Variants in LHFPL6 observed in about 807,000 individuals in gnomAD.
The protein encoded by LHFPL6 is LHFPL tetraspan subfamily member 6 protein.
A neutral mutation model predicts 20.6 loss-of-function variants in LHFPL6; 9 were observed. The ratio of observed to expected loss-of-function variants is 0.44; its 90% CI spans 0.26 to 0.76. The LOEUF (loss-of-function observed/expected upper bound fraction) is 0.76, where lower values mean the gene tolerates loss of function less well. Ranked by LOEUF, LHFPL6 falls within the 30% of genes least tolerant of loss-of-function variation. The pLI is 0.20. For synonymous variants in LHFPL6, 105 were observed against 98.7 expected (o/e 1.06, Z -0.38); for missense variants, 218 against 253.5 (o/e 0.86, Z 0.95).
intron 2 of LHFPL6, among the ~76,000 whole-genome samples, chr13:39,412,890 C>A (rs1457701578): frequency 6.6e-6 from 1 of 151,148 alleles, no homozygotes; most frequent in Non-Finnish European, 1.5e-5. Context: ...CCATTGCACT[C>A]CAGCCTGGTC....
At chr13:39,409,229 G>A (rs1341117488) in intron 2 of LHFPL6, among the ~76,000 whole-genome samples, 1 of 152,052 alleles carries the variant, frequency 6.6e-6, no homozygotes, top group East Asian at 1.9e-4. Flanking sequence ...TGAGGTGGGC[G>A]GATCACTTGA....
intron 2 of LHFPL6, among the ~76,000 whole-genome samples, chr13:39,534,368 C>A (rs1217972163): frequency 6.6e-6 from 1 of 152,146 alleles, no homozygotes; most frequent in Non-Finnish European, 1.5e-5. Flanking sequence ...CTAGCAATGG[C>A]AGTTTTCAAA....
chr13:39,443,594 G>T (rs1379280266), intron 2 of LHFPL6, among the ~76,000 whole-genome samples: 1 of 152,050 alleles, frequency 6.6e-6, no homozygotes. Context: ...AAGAGCTGTA[G>T]GAGAACCTAA....
chr13:39,563,996 G>A (rs923206594), intron 2 of LHFPL6, among the ~76,000 whole-genome samples: 1 of 152,030 alleles, frequency 6.6e-6, no homozygotes, highest in Non-Finnish European at 1.5e-5. Flanking sequence ...AAGTCTCCCC[G>A]TATCACGTTG....
intron 2 of LHFPL6, among the ~76,000 whole-genome samples, chr13:39,553,959 G>C (rs1182316551): frequency 2.6e-5 from 4 of 152,186 alleles, no homozygotes; most frequent in Non-Finnish European, 5.9e-5. Flanking sequence ...CAACCCATCA[G>C]CTCACAAGCT....
At chr13:39,578,851 A>C (rs9315709) in intron 2 of LHFPL6, among the ~76,000 whole-genome samples, 115,954 of 152,040 alleles carry the variant, frequency 0.76, 44,880 homozygotes, top group Middle Eastern at 0.85. Context: ...CAGCTGGGCA[A>C]TCAGAGGAGA....
chr13:39,465,920 AAGACTGAACTAGAG>A (rs1360295609), intron 2 of LHFPL6, among the ~76,000 whole-genome samples: 2 of 151,980 alleles, frequency 1.3e-5, no homozygotes, highest in Non-Finnish European at 2.9e-5. Context: ...CACCACTCAG[AAGACTGAACTAGAG>A]AGGATGGGTG....
In LHFPL6 at chr13:39,352,972, C is replaced by CACACATATATATATATATAT. The variant is rs1555257725; in HGVS notation, c.485-8919_485-8918insATATATATATATATATGTGT. On this transcript the variant is annotated intron_variant, in intron 3 of 3. Coordinates refer to ENST00000379589, the MANE Select transcript of LHFPL6 (RefSeq NM_005780.3). ...ATATATACATACATACACACACACA[C>CACACATATATATATATATAT]ATATATATATATATATAATTTTTTT... Among the ~76,000 whole-genome samples the CACACATATATATATATATAT allele has an allele frequency of 1.2e-4, 8 of 69,136 alleles. No individual in the cohort carries two copies. The South Asian group carries it at 2.6e-3, about 22-fold the overall frequency. The allele number at this position is 69,136 out of a possible 152,430, so 45.4% of individuals were successfully genotyped here.
intron 2 of LHFPL6, among the ~76,000 whole-genome samples, chr13:39,562,441 T>TATATACATATATACATATATACAC (rs1414753188): frequency 5.0e-5 from 5 of 99,148 alleles, no homozygotes; most frequent in Admixed American, 4.1e-4. Flanking sequence ...CATATATACA[T>TATATACATATATACATATATACAC]ATATACACAT....
At chr13:39,420,274 A>G (rs1871447040) in intron 2 of LHFPL6, among the ~76,000 whole-genome samples, 1 of 152,228 alleles carries the variant, frequency 6.6e-6, no homozygotes, top group African/African-American at 2.4e-5. Context: ...TTGCCCATCA[A>G]AATGTAATCC....
At chr13:39,473,272 A>G (rs1035504416) in intron 2 of LHFPL6, among the ~76,000 whole-genome samples, 5 of 151,020 alleles carry the variant, frequency 3.3e-5, no homozygotes, top group Admixed American at 2.7e-4. Context: ...GGTGTGCTTT[A>G]AGAACCAAAG....
chr13:39,498,324 G>A (rs1343490548), intron 2 of LHFPL6, among the ~76,000 whole-genome samples: 1 of 152,148 alleles, frequency 6.6e-6, no homozygotes, highest in Non-Finnish European at 1.5e-5. Context: ...AAAGTAAAGA[G>A]CATTTACCAA....
At chr13:39,352,291 G>C (rs930055301) in intron 3 of LHFPL6, among the ~76,000 whole-genome samples, 55 of 152,322 alleles carry the variant, frequency 3.6e-4, no homozygotes, top group South Asian at 1.7e-3. Flanking sequence ...AGCTGATTAA[G>C]AGCTTCAGCT....
chr13:39,414,209 A>C (rs1453043708), intron 2 of LHFPL6, among the ~76,000 whole-genome samples: 1 of 152,216 alleles, frequency 6.6e-6, no homozygotes, highest in East Asian at 1.9e-4. Context: ...CAGGGTATAA[A>C]AGCATTTAGA....
intron 2 of LHFPL6, among the ~76,000 whole-genome samples, chr13:39,512,119 T>A (rs538420456): frequency 6.6e-6 from 1 of 152,198 alleles, no homozygotes; most frequent in African/African-American, 2.4e-5. Context: ...ATAAAGATAA[T>A]GTCAAGTCTT....
chr13:39,386,086 C>T (rs1047380839), intron 2 of LHFPL6, among the ~76,000 whole-genome samples: 1 of 152,126 alleles, frequency 6.6e-6, no homozygotes, highest in African/African-American at 2.4e-5. Context: ...GTGGTAAGCA[C>T]CGAGGGAAAT....
intron 2 of LHFPL6, among the ~76,000 whole-genome samples, chr13:39,501,692 T>C (rs1566126005): frequency 6.6e-6 from 1 of 152,054 alleles, no homozygotes; most frequent in Non-Finnish European, 1.5e-5. Flanking sequence ...TGAGTTGAAA[T>C]GTTTTCTCTC....
intron 2 of LHFPL6, among the ~76,000 whole-genome samples, chr13:39,405,064 A>T (rs991652989): frequency 9.2e-5 from 14 of 152,226 alleles, no homozygotes; most frequent in African/African-American, 3.1e-4. Flanking sequence ...ATGTAACATA[A>T]GAGAGCTGGA....
At chr13:39,456,322 T>C (rs1033482863) in intron 2 of LHFPL6, among the ~76,000 whole-genome samples, 1 of 152,228 alleles carries the variant, frequency 6.6e-6, no homozygotes, top group African/African-American at 2.4e-5. Flanking sequence ...AAAAGGATGA[T>C]ATTAGATAGC....
Sources: allele counts gnomAD v4.1 joint callset (sites outside exome capture counted in the v4.1 genomes callset), GRCh38; gene constraint gnomAD v4.1.1; transcripts MANE v1.5; gene names NCBI Gene and HGNC (gene_info 2026-07-23, HGNC 2026-07-21).